MTMR2: variants seen among roughly 807,000 people sequenced by gnomAD.
The protein encoded by MTMR2 is phosphatidylinositol-3,5-bisphosphate 3-phosphatase MTMR2.
In MTMR2, 55 loss-of-function variants were observed where a neutral mutation model predicts 86.9. The ratio of observed to expected loss-of-function variants is 0.63; its 90% CI spans 0.51 to 0.79. The LOEUF is 0.79. Ranked by LOEUF, MTMR2 falls within the 30% of genes least tolerant of loss-of-function variation. The pLI, the probability that MTMR2 is intolerant of heterozygous loss-of-function variation, is 0.00. For missense variants in MTMR2, 659 were observed against 772.3 expected (o/e 0.85, Z 1.74); for synonymous variants, 241 against 266.8 (o/e 0.90, Z 0.94).
chr11:95,843,909 G>A (rs1863658820), intron 11 of MTMR2, among the ~76,000 whole-genome samples: 1 of 151,986 alleles, frequency 6.6e-6, no homozygotes, highest in African/African-American at 2.4e-5. Context: ...GGAAAAAAAA[G>A]TTCTATCCAT....
chr11:95,865,615 T>G lies in MTMR2; in HGVS notation c.248A>C (p.Asn83Thr), dbSNP rs757664332. 4.3e-6 allele frequency: 7 copies of G among 1,613,604 alleles called. No homozygotes were observed. Among genetic ancestry groups the G allele is most frequent in the East Asian group, 4.5e-5 (2 of 44,876 alleles). Residue 83 changes from asparagine (N) to threonine (T), a missense_variant, in exon 3 of 15, where the codon AAT becomes ACT. By Grantham distance (65) the Asn-to-Thr change is moderately conservative. Coordinates refer to ENST00000346299, the MANE Select transcript of MTMR2 (RefSeq NM_016156.6). ...MEEPPLLPGE[N>T]IKDMAKDVTY... ...CCATTACGGACCCATGTCTTTAATA[T>G]TTTCTCCTGGAAGCAAGGGTGGTTC... is the stretch of plus-strand genomic sequence containing the variant.
rs1328291847 is a variant in MTMR2 at position 95,916,885 on chromosome 11, T to C, written c.80+6990A>G. 2.0e-5 allele frequency among the ~76,000 whole-genome samples: 3 copies of C among 152,264 alleles called. No individual in the cohort carries two copies. In the East Asian group the frequency reaches 5.8e-4, roughly 29 times the overall value. On this transcript the variant is annotated intron_variant, in intron 1 of 14. Coordinates refer to ENST00000346299, the MANE Select transcript of MTMR2 (RefSeq NM_016156.6). ...ATGTACTTGGGGAAGGGAAGAATTATGAAGCTTGCTTATTAACAGTTTGTA... is the reference window on the plus strand; with the variant it reads ...ATGTACTTGGGGAAGGGAAGAATTACGAAGCTTGCTTATTAACAGTTTGTA...
chr11:95,849,836 A>C lies in MTMR2; in HGVS notation c.831T>G (p.Ser277Arg). 6.2e-7 allele frequency: 1 copy of C among 1,614,132 alleles called. No individual in the cohort carries two copies. The highest frequency in any genetic ancestry group is 1.1e-5 in the South Asian group (1 of 91,086). Residue 277 changes from serine (S) to arginine (R), a missense_variant, in exon 9 of 15, where the codon AGT becomes AGG. This residue lies in a region of MTMR2 where 387 missense variants were observed against 526.3 expected (regional missense o/e 0.74). Transcript: ENST00000346299. Reference sequence around the variant, plus strand: ...GGCTACACCGAGTGATTGTGGCTTGACTTTCAGGATGAATCCATGATAAAA... The same window carrying C: ...GGCTACACCGAGTGATTGTGGCTTGCCTTTCAGGATGAATCCATGATAAAA... ...IPVLSWIHPE[S>R]QATITRCSQP...
At chr11:95,876,984 C>T (rs760122625) in intron 2 of MTMR2, among the ~76,000 whole-genome samples, 14 of 152,100 alleles carry the variant, frequency 9.2e-5, no homozygotes, top group Admixed American at 1.3e-4. Flanking sequence ...AAGAATTTGT[C>T]TGAAATCTGC....
At chr11:95,920,184 C>T (rs572219025) in intron 1 of MTMR2, among the ~76,000 whole-genome samples, 20 of 152,324 alleles carry the variant, frequency 1.3e-4, no homozygotes, top group African/African-American at 3.8e-4. Flanking sequence ...TTCCACAACT[C>T]CCTCTCTCTT....
chr11:95,889,919 C>T (rs1029484424), intron 1 of MTMR2, among the ~76,000 whole-genome samples: 2 of 152,068 alleles, frequency 1.3e-5, no homozygotes, highest in African/African-American at 2.4e-5. Context: ...CTTCCTTATA[C>T]CAGAATGCAA....
At chr11:95,839,393 A>T (rs1020714162) in intron 12 of MTMR2, among the ~76,000 whole-genome samples, 1 of 152,128 alleles carries the variant, frequency 6.6e-6, no homozygotes, top group Non-Finnish European at 1.5e-5. Flanking sequence ...TTAGCGAAAT[A>T]TGAATGCATC....
chr11:95,854,287 T>C (rs1467092173), intron 7 of MTMR2, among the ~76,000 whole-genome samples: 3 of 152,224 alleles, frequency 2.0e-5, no homozygotes, highest in African/African-American at 7.2e-5. Flanking sequence ...AGTATCCACT[T>C]GTCAGGGTCA....
At chr11:95,888,066 T>C (rs995847688) in intron 2 of MTMR2, 90 bp downstream of exon 2, 3 of 948,182 alleles carry the variant, frequency 3.2e-6, no homozygotes, top group Non-Finnish European at 5.0e-6. Flanking sequence ...ACTCCATCAG[T>C]ATCTCCTGCT....
chr11:95,839,187 C>A (rs1863427246), intron 12 of MTMR2, among the ~76,000 whole-genome samples: 1 of 151,652 alleles, frequency 6.6e-6, no homozygotes, highest in Non-Finnish European at 1.5e-5. Flanking sequence ...GGTAACATGA[C>A]AGATTTCCTA....
intron 5 of MTMR2, among the ~76,000 whole-genome samples, chr11:95,858,836 A>G (rs925267225): frequency 2.0e-5 from 3 of 152,178 alleles, no homozygotes; most frequent in Non-Finnish European, 2.9e-5. Flanking sequence ...TCTACTATGA[A>G]GCAGAATTCA....
At position 95,852,491 on chromosome 11, in the gene MTMR2, C is replaced by G. The variant is rs559706641; in HGVS notation, c.655-1742G>C. ...CCCTTCCAGCAAACACTCTCAATAG[C>G]GCTTCTATTTATCCCTAACTGTTCT... On this transcript the variant is annotated intron_variant, in intron 7 of 14. Coordinates refer to ENST00000346299, the MANE Select transcript of MTMR2 (RefSeq NM_016156.6). Among the ~76,000 whole-genome samples the G allele has an allele frequency of 9.9e-5, 15 of 152,248 alleles. No homozygotes were observed. In the South Asian group the frequency reaches 3.1e-3, roughly 32 times the overall value.
chr11:95,916,691 A>C (rs922659599), intron 1 of MTMR2, among the ~76,000 whole-genome samples: 5 of 152,188 alleles, frequency 3.3e-5, no homozygotes, highest in African/African-American at 1.2e-4. Flanking sequence ...ACAGTGTTTA[A>C]ATTTTTAATT....
At chr11:95,870,327 A>C (rs891345905) in intron 2 of MTMR2, among the ~76,000 whole-genome samples, 1 of 152,142 alleles carries the variant, frequency 6.6e-6, no homozygotes. Flanking sequence ...TAAGGACTTT[A>C]AACTTGACCA....
At chr11:95,921,488 C>A (rs1866924508) in intron 1 of MTMR2, among the ~76,000 whole-genome samples, 1 of 152,182 alleles carries the variant, frequency 6.6e-6, no homozygotes, top group African/African-American at 2.4e-5. Context: ...CTTAACATAG[C>A]TATGAGACCA....
Position 95,834,613 on chromosome 11 carries a change from C to G in MTMR2, c.*677G>C, listed in dbSNP as rs1226733379. The G allele has an allele frequency of 6.6e-6, 1 of 152,328 alleles. No individual in the cohort carries two copies. Among genetic ancestry groups the G allele is most frequent in the Non-Finnish European group, 1.5e-5 (1 of 68,216 alleles). 9.4% of individuals were successfully genotyped at this position (152,328 alleles called of 1,614,324 possible). On this transcript the variant is annotated 3_prime_UTR_variant, in exon 15 of 15. Coordinates refer to ENST00000346299, the MANE Select transcript of MTMR2 (RefSeq NM_016156.6). ...CTTTGAACTCCTGTATGGCTACTTT[C>G]TCCCCTTCATTTTCCCCCAAGCACA... is the stretch of plus-strand genomic sequence containing the variant.
intron 1 of MTMR2, among the ~76,000 whole-genome samples, chr11:95,915,201 G>A (rs917467813): frequency 2.0e-5 from 3 of 152,032 alleles, no homozygotes; most frequent in African/African-American, 4.8e-5. Context: ...TTCTTGGCTC[G>A]CTCAAGAATA....
chr11:95,856,404 GATC>G (rs922021979), intron 7 of MTMR2, among the ~76,000 whole-genome samples: 2 of 150,360 alleles, frequency 1.3e-5, no homozygotes, highest in African/African-American at 4.9e-5. Context: ...AATTTTAAGA[GATC>G]ATCTTCATTT....
chr11:95,865,700 G>T (rs746501071), intron 2 of MTMR2, 24 bp from the exon 3 acceptor site: 2 of 1,576,232 alleles, frequency 1.3e-6, no homozygotes, highest in Non-Finnish European at 1.7e-6. Context: ...GACAAAAAAA[G>T]AAACATTTTT....
Sources: allele counts gnomAD v4.1 joint callset (sites outside exome capture counted in the v4.1 genomes callset), GRCh38; gene constraint gnomAD v4.1.1; regional missense constraint gnomAD v4.1.1; transcripts MANE v1.5; gene names NCBI Gene and HGNC (gene_info 2026-07-23, HGNC 2026-07-21).